The following DLG2 variants were observed in gnomAD, a reference collection of about 807,000 sequenced individuals.
DLG2 encodes the protein disks large homolog 2.
A neutral mutation model predicts 132.5 loss-of-function variants in DLG2; 45 were observed. The ratio of observed to expected loss-of-function variants is 0.34; its 90% CI spans 0.27 to 0.44. DLG2 has a LOEUF of 0.44. Ranked by LOEUF, DLG2 falls within the 20% of genes least tolerant of loss-of-function variation. The pLI is 1.00. For synonymous variants in DLG2, 424 were observed against 419.6 expected (o/e 1.01, Z -0.13); for missense variants, 1,045 against 1,196.9 (o/e 0.87, Z 1.87).
At chr11:84,578,422 T>C (rs368360420) in intron 6 of DLG2, among the ~76,000 whole-genome samples, 9 of 152,204 alleles carry the variant, frequency 5.9e-5, no homozygotes, top group Non-Finnish European at 1.3e-4. Context: ...GAGGCAGAGC[T>C]GCCCAAGAGC....
chr11:83,770,195 G>A (rs530911695), intron 18 of DLG2, among the ~76,000 whole-genome samples: 6 of 149,304 alleles, frequency 4.0e-5, no homozygotes, highest in Non-Finnish European at 7.4e-5. Context: ...GTTTCTTCCT[G>A]CTCCTTTTGT....
At chr11:84,879,965 C>G (rs547784523) in intron 6 of DLG2, among the ~76,000 whole-genome samples, 1 of 151,914 alleles carries the variant, frequency 6.6e-6, no homozygotes, top group Non-Finnish European at 1.5e-5. Flanking sequence ...CAGTGACAGC[C>G]TAGGAAAATA....
At chr11:85,014,265 G>A (rs2059386896) in intron 6 of DLG2, among the ~76,000 whole-genome samples, 1 of 152,142 alleles carries the variant, frequency 6.6e-6, no homozygotes, top group Non-Finnish European at 1.5e-5. Context: ...CCAGTGGGTT[G>A]CTGTAAAGAA....
intron 7 of DLG2, among the ~76,000 whole-genome samples, chr11:84,407,282 G>A (rs2098858603): frequency 6.6e-6 from 1 of 151,486 alleles, no homozygotes; most frequent in Non-Finnish European, 1.5e-5. Context: ...TATGAACCCA[G>A]GCAGGTGGCC....
chr11:85,258,451 C>A (rs1032464920), intron 4 of DLG2, among the ~76,000 whole-genome samples: 9 of 152,102 alleles, frequency 5.9e-5, no homozygotes, highest in Admixed American at 4.6e-4. Context: ...ATTCAAGCAA[C>A]TGAAATATGA....
At chr11:84,095,735 C>T (rs761397775) in intron 10 of DLG2, among the ~76,000 whole-genome samples, 13 of 152,178 alleles carry the variant, frequency 8.5e-5, no homozygotes, top group Admixed American at 1.3e-4. Context: ...ATGTCTTGGA[C>T]TAGACCACCT....
chr11:83,943,759 C>T (rs1251620445), intron 14 of DLG2, among the ~76,000 whole-genome samples: 3 of 152,216 alleles, frequency 2.0e-5, no homozygotes, highest in Non-Finnish European at 4.4e-5. Flanking sequence ...AACATATTTA[C>T]TGCCCTTAGA....
chr11:85,508,052 C>A (rs1227513980), intron 3 of DLG2, among the ~76,000 whole-genome samples: 1 of 152,102 alleles, frequency 6.6e-6, no homozygotes, highest in Non-Finnish European at 1.5e-5. Context: ...GTTTTCAGCT[C>A]CATCAGGTCA....
chr11:84,969,321 C>A (rs2053750089), intron 6 of DLG2, among the ~76,000 whole-genome samples: 1 of 152,134 alleles, frequency 6.6e-6, no homozygotes, highest in Non-Finnish European at 1.5e-5. Context: ...GAGCTAGTGG[C>A]TGGGAGTGCT....
chr11:84,883,264 A>T (rs181083766), intron 6 of DLG2, among the ~76,000 whole-genome samples: 1 of 152,032 alleles, frequency 6.6e-6, no homozygotes, highest in East Asian at 1.9e-4. Context: ...AACAATGAGA[A>T]CACATGGACA....
chr11:85,200,218 C>A (rs528705873), intron 4 of DLG2, among the ~76,000 whole-genome samples: 1 of 152,200 alleles, frequency 6.6e-6, no homozygotes, highest in East Asian at 1.9e-4. Flanking sequence ...AAACAGCCCA[C>A]TTGCCAAAGA....
At chr11:85,064,271 A>G (rs1322645058) in intron 6 of DLG2, among the ~76,000 whole-genome samples, 1 of 151,852 alleles carries the variant, frequency 6.6e-6, no homozygotes, top group Non-Finnish European at 1.5e-5. Context: ...GTTCTAATAA[A>G]TTCTATTCAA....
intron 5 of DLG2, among the ~76,000 whole-genome samples, chr11:85,124,966 G>A (rs949746294): frequency 3.5e-4 from 54 of 152,198 alleles, no homozygotes; most frequent in African/African-American, 1.3e-3. Flanking sequence ...AAGTAGCTGG[G>A]ACTACAGGCA....
chr11:84,517,327 T>C (rs537089283), intron 7 of DLG2, among the ~76,000 whole-genome samples: 3 of 151,680 alleles, frequency 2.0e-5, no homozygotes, highest in Admixed American at 6.6e-5. Context: ...AATTAAAAAA[T>C]GGGCAGAGGA....
At chr11:83,773,790 T>C (rs1249841917) in intron 18 of DLG2, among the ~76,000 whole-genome samples, 1 of 152,236 alleles carries the variant, frequency 6.6e-6, no homozygotes, top group East Asian at 1.9e-4. Context: ...AACTCTGTGC[T>C]GGGTGCTCCT....
In DLG2 at chr11:85,377,801, ATATG is replaced by A. The variant is rs1239471182; in HGVS notation, c.41-92440_41-92437del. 5.2e-5 allele frequency among the ~76,000 whole-genome samples: 5 copies of A among 95,872 alleles called. 1 individual carries two copies. The highest frequency in any genetic ancestry group is 1.5e-4 in the African/African-American group (4 of 27,480). The allele number at this position is 95,872 out of a possible 152,430, so 62.9% of individuals were successfully genotyped here. On this transcript the variant is annotated intron_variant, in intron 3 of 27. Coordinates refer to ENST00000376104, the MANE Select transcript of DLG2 (RefSeq NM_001142699.3). ...TGTGTATACATATATATATATATAT[ATATG>A]TGTGTGTGTGTGTGTGTGTATACAT...
Position 84,098,799 on chromosome 11 carries a change from T to G in DLG2, c.749+124A>C, listed in dbSNP as rs1425278345. Reference sequence around the variant, plus strand: ...GATCTGCAAAGTCATTTCAGGAAGCTTGCCTTAAAAATCTCTTTCAAGTAC... The same window carrying G: ...GATCTGCAAAGTCATTTCAGGAAGCGTGCCTTAAAAATCTCTTTCAAGTAC... On this transcript the variant is annotated intron_variant, in intron 10 of 27. Coordinates refer to ENST00000376104, the MANE Select transcript of DLG2 (RefSeq NM_001142699.3). The G allele has an allele frequency of 2.7e-6, 3 of 1,126,162 alleles. No individual in the cohort carries two copies. The African/African-American group carries it at 4.7e-5, about 18-fold the overall frequency. 69.8% of individuals were successfully genotyped at this position (1,126,162 alleles called of 1,614,324 possible).
chr11:85,079,484 ATTTTTT>A (rs35913627), intron 6 of DLG2, among the ~76,000 whole-genome samples: 2 of 137,668 alleles, frequency 1.5e-5, no homozygotes, highest in Admixed American at 7.2e-5. Context: ...GAGGCTTAGA[ATTTTTT>A]TTTTTTTTTT....
rs1300295292 is a variant in DLG2, at chr11:84,297,631, C to T, written c.520-46340G>A. Among the ~76,000 whole-genome samples, 8 of 152,252 alleles carry T rather than the reference C, an allele frequency of 5.3e-5. No homozygotes were observed. The East Asian group carries it at 1.4e-3, about 26-fold the overall frequency. On this transcript the variant is annotated intron_variant, in intron 7 of 27. Transcript: ENST00000376104. ...CCCTCCTTCCATTCTTGCCCCTCCC[C>T]TCAAACTCATTCTCACTGTATACAA...
Sources: gnomAD v4.1 joint callset for allele counts (sites outside exome capture counted in the v4.1 genomes callset) on GRCh38, gnomAD v4.1.1 for gene constraint, MANE v1.5 for transcripts, NCBI Gene and HGNC (gene_info 2026-07-23, HGNC 2026-07-21) for gene names.